Variants in COL14A1 observed in about 807,000 individuals in gnomAD.
COL14A1 encodes collagen type XIV alpha 1 chain, also known as collagen alpha-1(XIV) chain.
Under a neutral mutation model 230.3 loss-of-function variants are expected in COL14A1, and 136 were observed. The observed-to-expected ratio is 0.59, with a 90% CI of 0.51 to 0.68. The LOEUF (loss-of-function observed/expected upper bound fraction) is 0.68, where lower values mean the gene tolerates loss of function less well. COL14A1 is among the 30% of genes least tolerant of loss of function. COL14A1 has a pLI of 0.00. For synonymous variants in COL14A1, 792 were observed against 784.1 expected (o/e 1.01, Z -0.17); for missense variants, 1,976 against 2,215.8 (o/e 0.89, Z 2.17).
chr8:120,220,285 T>C (rs1355614119), intron 14 of COL14A1, among the ~76,000 whole-genome samples: 1 of 151,634 alleles, frequency 6.6e-6, no homozygotes, highest in East Asian at 1.9e-4. Flanking sequence ...TGATTTTTTT[T>C]TTTTTTTGAG....
intron 5 of COL14A1, among the ~76,000 whole-genome samples, chr8:120,192,784 A>C (rs1816872947): frequency 6.6e-6 from 1 of 151,664 alleles, no homozygotes; most frequent in East Asian, 1.9e-4. Context: ...TTCTCGCTTC[A>C]TTTCTTTCAT....
rs747481195 is a variant in COL14A1 at position 120,289,605 on chromosome 8, T to A, written c.4078-3T>A. ...CCTCCTAAAACATCTTACTTTTACCTAGCTACACATTGTTGTCAGTGAGAC... is the reference window on the plus strand; with the variant it reads ...CCTCCTAAAACATCTTACTTTTACCAAGCTACACATTGTTGTCAGTGAGAC... On this transcript the variant is annotated splice_region_variant and splice_polypyrimidine_tract_variant and intron_variant, in intron 33 of 47. Transcript: ENST00000297848. 17 of 1,613,016 alleles carry A rather than the reference T, an allele frequency of 1.1e-5. No individual in the cohort carries two copies. Among genetic ancestry groups the A allele is most frequent in the Admixed American group, 1.7e-5 (1 of 59,802 alleles).
intron 45 of COL14A1, among the ~76,000 whole-genome samples, chr8:120,360,341 G>T (rs1054226006): frequency 6.6e-6 from 1 of 152,170 alleles, no homozygotes; most frequent in Non-Finnish European, 1.5e-5. Context: ...AGGTACTGAA[G>T]GTGGCCTTTA....
intron 2 of COL14A1, among the ~76,000 whole-genome samples, chr8:120,157,161 A>G (rs1012725088): frequency 6.6e-6 from 1 of 152,192 alleles, no homozygotes; most frequent in Non-Finnish European, 1.5e-5. Flanking sequence ...ACATTTTTGT[A>G]AACTGTCAGA....
intron 45 of COL14A1, among the ~76,000 whole-genome samples, chr8:120,352,086 A>G (rs1822803382): frequency 2.1e-5 from 1 of 47,644 alleles, no homozygotes; most frequent in East Asian, 5.8e-4. Context: ...GGTTCAATAT[A>G]CGCAAATCAA....
At chr8:120,275,625 A>G (rs1216507982) in intron 26 of COL14A1, among the ~76,000 whole-genome samples, 1 of 152,070 alleles carries the variant, frequency 6.6e-6, no homozygotes, top group African/African-American at 2.4e-5. Flanking sequence ...AAACACACAC[A>G]AATCAGCAAG....
intron 40 of COL14A1, among the ~76,000 whole-genome samples, chr8:120,318,251 C>T (rs1821306207): frequency 6.6e-6 from 1 of 152,040 alleles, no homozygotes; most frequent in Non-Finnish European, 1.5e-5. Context: ...TTCATTACTG[C>T]CTACAGAGAA....
intron 12 of COL14A1, among the ~76,000 whole-genome samples, chr8:120,210,557 A>C (rs1258467015): frequency 6.6e-6 from 1 of 152,182 alleles, no homozygotes; most frequent in South Asian, 2.1e-4. Context: ...TTTTGAATTT[A>C]TTCCATTTTA....
At chr8:120,336,427 A>G (rs925693466) in intron 42 of COL14A1, among the ~76,000 whole-genome samples, 1 of 152,042 alleles carries the variant, frequency 6.6e-6, no homozygotes, top group Non-Finnish European at 1.5e-5. Context: ...ACATTTTAAT[A>G]TTTTTCAATT....
At chr8:120,176,750 C>G (rs1037395234) in intron 5 of COL14A1, among the ~76,000 whole-genome samples, 1 of 152,036 alleles carries the variant, frequency 6.6e-6, no homozygotes, top group African/African-American at 2.4e-5. Flanking sequence ...TAAGTGTGGG[C>G]TAGAATTTAT....
intron 40 of COL14A1, among the ~76,000 whole-genome samples, chr8:120,328,219 A>G (rs1279886835): frequency 6.6e-6 from 1 of 152,096 alleles, no homozygotes; most frequent in East Asian, 1.9e-4. Flanking sequence ...GCAAACAAAC[A>G]TCTTATCCAG....
chr8:120,351,415 C>CA (rs1326526344), intron 45 of COL14A1, among the ~76,000 whole-genome samples: 2 of 132,228 alleles, frequency 1.5e-5, no homozygotes, highest in African/African-American at 2.9e-5. Flanking sequence ...AATAGAGACA[C>CA]AAAAAACCCT....
At chr8:120,320,990 G>T (rs1356934127) in intron 40 of COL14A1, among the ~76,000 whole-genome samples, 1 of 152,210 alleles carries the variant, frequency 6.6e-6, no homozygotes, top group Non-Finnish European at 1.5e-5. Flanking sequence ...CACACAGCTA[G>T]TAAGTGTTAG....
chr8:120,162,021 G>A (rs1265693576), intron 3 of COL14A1, among the ~76,000 whole-genome samples: 1 of 152,138 alleles, frequency 6.6e-6, no homozygotes, highest in Non-Finnish European at 1.5e-5. Flanking sequence ...GATGTTGAGG[G>A]CTTGCTGTCC....
At chr8:120,239,948 A>G (rs1818564311) in intron 19 of COL14A1, among the ~76,000 whole-genome samples, 1 of 151,790 alleles carries the variant, frequency 6.6e-6, no homozygotes, top group South Asian at 2.1e-4. Flanking sequence ...TCATGCATGC[A>G]CTTGTAAGCT....
Position 120,181,123 on chromosome 8 carries a change from G to A in COL14A1, c.436+12876G>A, listed in dbSNP as rs140430904. On this transcript the variant is annotated intron_variant, in intron 5 of 47. Transcript: ENST00000297848. ...GGTGAACAAGGAAATGCAAGAATCT[G>A]ACTGGCCACACCAGGAGCTGCAAGG... Among the ~76,000 whole-genome samples, 72 of 152,280 alleles carry A rather than the reference G, an allele frequency of 4.7e-4. 1 individual carries two copies. The East Asian group carries it at 0.014, about 29-fold the overall frequency.
intron 21 of COL14A1, among the ~76,000 whole-genome samples, chr8:120,250,081 A>G (rs1160853199): frequency 6.6e-6 from 1 of 152,212 alleles, no homozygotes; most frequent in Non-Finnish European, 1.5e-5. Context: ...TGAAAATGCT[A>G]GCTAATCAAG....
At chr8:120,202,743 C>T (rs550733590) in intron 8 of COL14A1, among the ~76,000 whole-genome samples, 1 of 151,914 alleles carries the variant, frequency 6.6e-6, no homozygotes, top group East Asian at 1.9e-4. Flanking sequence ...GCACAGTGAT[C>T]ACACTCTTTT....
intron 8 of COL14A1, among the ~76,000 whole-genome samples, chr8:120,202,033 A>G (rs552948629): frequency 6.6e-6 from 1 of 152,318 alleles, no homozygotes; most frequent in South Asian, 2.1e-4. Flanking sequence ...ATGTTATATT[A>G]ATTCAGATGT....
Sources: allele counts gnomAD v4.1 joint callset (sites outside exome capture counted in the v4.1 genomes callset), GRCh38; gene constraint gnomAD v4.1.1; transcripts MANE v1.5; gene names NCBI Gene and HGNC (gene_info 2026-07-23, HGNC 2026-07-21).